Variants in SSH2 observed in about 807,000 individuals in gnomAD.
SSH2 encodes the protein slingshot protein phosphatase 2.
A neutral mutation model predicts 135.2 loss-of-function variants in SSH2; 37 were observed. That is an observed-to-expected ratio of 0.27 (90% CI 0.21 to 0.36). SSH2 has a LOEUF of 0.36. Among genes scored for constraint, SSH2 ranks in the 10% least tolerant of loss-of-function variants. The probability of loss-of-function intolerance (pLI) is 1.00; values close to 1 mark genes in which losing one functional copy is unlikely to be tolerated. For missense variants in SSH2, 1,408 were observed against 1,765.3 expected, an observed-to-expected ratio of 0.80 and a Z score of 3.63; for synonymous variants, 628 against 646.2, an observed-to-expected ratio of 0.97 and a Z score of 0.43.
chr17:29,859,456 A>G (rs2151403307), intron 1 of SSH2, among the ~76,000 whole-genome samples: 1 of 150,026 alleles, frequency 6.7e-6, no homozygotes. Context: ...TGCACCCTCC[A>G]CTCTCTGGTA....
intron 3 of SSH2, among the ~76,000 whole-genome samples, chr17:29,771,591 G>T (rs2041587376): frequency 6.6e-6 from 1 of 152,120 alleles, no homozygotes. Context: ...GCTGCCTCTT[G>T]TTCTTTGGAT....
At chr17:29,654,357 C>T (rs1266515479) in intron 12 of SSH2, among the ~76,000 whole-genome samples, 3 of 151,866 alleles carry the variant, frequency 2.0e-5, no homozygotes, top group East Asian at 1.9e-4. Flanking sequence ...CCCTCCCCAC[C>T]CCCCGGAATT....
intron 15 of SSH2, among the ~76,000 whole-genome samples, chr17:29,633,466 C>CT (rs374414374): frequency 1.2e-3 from 187 of 152,328 alleles, no homozygotes; most frequent in African/African-American, 4.3e-3. Context: ...TCACTGCTCT[C>CT]TTTCACTCCT....
At chr17:29,823,593 A>G (rs1372009813) in intron 2 of SSH2, among the ~76,000 whole-genome samples, 2 of 151,962 alleles carry the variant, frequency 1.3e-5, no homozygotes, top group Non-Finnish European at 2.9e-5. Context: ...AATATTCCAC[A>G]CTGGGGTCGG....
At chr17:29,671,912 T>C (rs2037510736) in intron 9 of SSH2, 23 bp downstream of exon 9, 1 of 1,600,514 alleles carries the variant, frequency 6.2e-7, no homozygotes, top group Non-Finnish European at 8.5e-7. Flanking sequence ...AGAACTTCCA[T>C]AATCCTTAGC....
intron 1 of SSH2, among the ~76,000 whole-genome samples, chr17:29,916,885 A>G (rs1294134056): frequency 1.3e-5 from 2 of 152,196 alleles, no homozygotes; most frequent in Non-Finnish European, 2.9e-5. Flanking sequence ...AGGCTATCTC[A>G]AATTCCTACT....
chr17:29,683,234 C>T (rs969340039), intron 6 of SSH2, among the ~76,000 whole-genome samples: 1 of 152,046 alleles, frequency 6.6e-6, no homozygotes, highest in Non-Finnish European at 1.5e-5. Context: ...TTATCCACAG[C>T]GTAAAGATCT....
At chr17:29,719,650 T>TTCA (rs1022740818) in intron 3 of SSH2, among the ~76,000 whole-genome samples, 3 of 152,054 alleles carry the variant, frequency 2.0e-5, no homozygotes, top group Admixed American at 2.0e-4. Context: ...ACAGAAGTTC[T>TTCA]TCCCATTTCA....
At chr17:29,860,705 T>C (rs2065748885) in intron 1 of SSH2, among the ~76,000 whole-genome samples, 1 of 151,924 alleles carries the variant, frequency 6.6e-6, no homozygotes, top group Non-Finnish European at 1.5e-5. Flanking sequence ...GTGCTGGGAT[T>C]ACAGGCATGA....
At chr17:29,828,677 G>T (rs1409274280) in intron 2 of SSH2, among the ~76,000 whole-genome samples, 1 of 152,264 alleles carries the variant, frequency 6.6e-6, no homozygotes, top group Admixed American at 6.5e-5. Flanking sequence ...TGTGAAGCTA[G>T]AACAATCTAT....
chr17:29,668,627 C>T (rs575033570), intron 9 of SSH2, among the ~76,000 whole-genome samples: 1 of 152,152 alleles, frequency 6.6e-6, no homozygotes, highest in South Asian at 2.1e-4. Flanking sequence ...CCCACAGCTA[C>T]TTGGGAGGCT....
In SSH2 at chr17:29,628,111, T is replaced by C. The variant is rs1450601854; in HGVS notation, c.*2730A>G. The C allele has an allele frequency of 6.6e-6, 1 of 152,164 alleles. No homozygotes were observed. Among genetic ancestry groups the C allele is most frequent in the East Asian group, 1.9e-4 (1 of 5,198 alleles). The allele number at this position is 152,164 out of a possible 1,614,324, so 9.4% of individuals were successfully genotyped here. A position where few individuals can be genotyped will look rare whatever the true frequency, so the allele number is the denominator to read the frequency against. ...AAGAGAAGACAGTCTGGAAAGTCCT[T>C]GACAGTTCACTGCGCACCTCCCCTG... On this transcript the variant is annotated 3_prime_UTR_variant, in exon 16 of 16. Transcript: ENST00000540801.
intron 3 of SSH2, among the ~76,000 whole-genome samples, chr17:29,750,012 G>A (rs979425258): frequency 6.6e-6 from 1 of 152,080 alleles, no homozygotes; most frequent in Non-Finnish European, 1.5e-5. Flanking sequence ...GATTACAGGT[G>A]TTGAGCCATT....
chr17:29,842,139 G>GGGGGGGT (rs79157063), intron 2 of SSH2, among the ~76,000 whole-genome samples: 73,878 of 150,792 alleles, frequency 0.49, 18,622 homozygotes, highest in East Asian at 0.69. Context: ...TTTAACTGGA[G>GGGGGGGT]GAGACCCTGT....
chr17:29,696,675 G>GTGT (rs1396233625), intron 4 of SSH2, among the ~76,000 whole-genome samples: 1 of 144,070 alleles, frequency 6.9e-6, no homozygotes, highest in Non-Finnish European at 1.5e-5. Context: ...ATACGTACGT[G>GTGT]TGTGTGTGTG....
chr17:29,770,101 T>TG (rs1567963099), intron 3 of SSH2, among the ~76,000 whole-genome samples: 7 of 147,652 alleles, frequency 4.7e-5, no homozygotes, highest in East Asian at 1.9e-4. Flanking sequence ...AGTTTTTTTT[T>TG]TTTTTTTTTT....
intron 1 of SSH2, among the ~76,000 whole-genome samples, chr17:29,872,925 G>A (rs184415658): frequency 1.3e-5 from 2 of 150,992 alleles, no homozygotes; most frequent in East Asian, 3.9e-4. Context: ...GAACCGGGGA[G>A]GCAAAGACTG....
At chr17:29,755,579 A>T (rs2041086915) in intron 3 of SSH2, among the ~76,000 whole-genome samples, 1 of 151,552 alleles carries the variant, frequency 6.6e-6, no homozygotes, top group Non-Finnish European at 1.5e-5. Context: ...CAAAACCCAC[A>T]CTCCGAAAGT....
chr17:29,689,328 C>A (rs1383152274), intron 5 of SSH2, among the ~76,000 whole-genome samples: 2 of 152,130 alleles, frequency 1.3e-5, no homozygotes, highest in Non-Finnish European at 2.9e-5. Context: ...TTAACACAAT[C>A]AAATAAATTT....
Sources: gnomAD v4.1 joint callset for allele counts (sites outside exome capture counted in the v4.1 genomes callset) on GRCh38, gnomAD v4.1.1 for gene constraint, MANE v1.5 for transcripts, NCBI Gene and HGNC (gene_info 2026-07-23, HGNC 2026-07-21) for gene names.